Variants in C10orf143 observed in about 807,000 individuals in gnomAD.
C10orf143 encodes chromosome 10 open reading frame 143.
intron 3 of C10orf143, among the ~76,000 whole-genome samples, chr10:130,058,030 C>A (rs1255655628): frequency 2.0e-5 from 3 of 152,180 alleles, no homozygotes; most frequent in Admixed American, 2.0e-4. Context: ...CACTCTAGAG[C>A]CAGGGAATTG....
intron 1 of C10orf143, chr10:130,104,121 T>A (rs1861602203): frequency 6.6e-6 from 1 of 152,210 alleles, no homozygotes; most frequent in Non-Finnish European, 1.5e-5. Flanking sequence ...AGAGTAAGCC[T>A]CATCATGAGT....
intron 3 of C10orf143, among the ~76,000 whole-genome samples, chr10:130,071,763 G>A (rs1456669107): frequency 6.6e-6 from 1 of 152,126 alleles, no homozygotes; most frequent in Admixed American, 6.6e-5. Context: ...GAGTAGCTGG[G>A]ACTACAGGCA....
chr10:130,057,081 G>A (rs77344169), intron 3 of C10orf143, among the ~76,000 whole-genome samples: 147 of 139,390 alleles, frequency 1.1e-3, no homozygotes, highest in African/African-American at 3.3e-3. Context: ...TTGTAAAGAT[G>A]AGGTTTCACC....
intron 1 of C10orf143, among the ~76,000 whole-genome samples, chr10:130,091,363 G>T (rs1861380022): frequency 6.6e-6 from 1 of 152,118 alleles, no homozygotes; most frequent in African/African-American, 2.4e-5. Context: ...CAAACAGAAA[G>T]CATCAACATC....
At position 130,058,691 on chromosome 10, in the gene C10orf143, G is replaced by A. The variant is rs547521823; in HGVS notation, c.297+20875C>T. ...AAGTGCAGGACCTATCTATACTAAC[G>A]AAACAGGAAAGTGTTTATCAGAGCA... is the stretch of plus-strand genomic sequence containing the variant. On this transcript the variant is annotated intron_variant and NMD_transcript_variant, in intron 3 of 5. Coordinates refer to the C10orf143 transcript ENST00000643056. Among the ~76,000 whole-genome samples, 4 of 151,106 alleles carry A rather than the reference G, an allele frequency of 2.6e-5. No individual in the cohort carries two copies. In the South Asian group the frequency reaches 6.3e-4, roughly 24 times the overall value.
intron 3 of C10orf143, among the ~76,000 whole-genome samples, chr10:130,037,382 G>A (rs1860556238): frequency 6.6e-6 from 1 of 152,234 alleles, no homozygotes; most frequent in Non-Finnish European, 1.5e-5. Context: ...AGTACTGGAT[G>A]AGCAAGCGAA....
chr10:130,094,015 T>A (rs865837965), intron 1 of C10orf143, among the ~76,000 whole-genome samples: 8 of 137,696 alleles, frequency 5.8e-5, no homozygotes, highest in African/African-American at 1.1e-4. Context: ...ATCTCACCAT[T>A]AAAAAAAAAA....
At chr10:130,089,804 AAG>A (rs1861351650) in intron 1 of C10orf143, among the ~76,000 whole-genome samples, 1 of 152,196 alleles carries the variant, frequency 6.6e-6, no homozygotes, top group African/African-American at 2.4e-5. Context: ...TCAATGGAGA[AAG>A]AACAGTCTTT....
intron 3 of C10orf143, among the ~76,000 whole-genome samples, chr10:130,078,435 T>C (rs1010501282): frequency 2.0e-5 from 3 of 152,222 alleles, no homozygotes; most frequent in Non-Finnish European, 2.9e-5. Flanking sequence ...TTCTAGGGTA[T>C]GTTTAACAGT....
intron 3 of C10orf143, chr10:130,066,275 C>T (rs1860932994): frequency 6.6e-6 from 1 of 150,618 alleles, no homozygotes; most frequent in Non-Finnish European, 1.5e-5. Context: ...GCAGCCTCAG[C>T]CTCCTAGGCT....
chr10:130,050,165 C>T (rs950397913), intron 3 of C10orf143, among the ~76,000 whole-genome samples: 14 of 152,242 alleles, frequency 9.2e-5, no homozygotes, highest in African/African-American at 3.4e-4. Context: ...AGGCTGCAGG[C>T]GCATGACTGA....
intron 1 of C10orf143, among the ~76,000 whole-genome samples, chr10:130,084,301 A>G (rs1171746): frequency 0.64 from 97,146 of 151,870 alleles, 31,321 homozygotes; most frequent in Admixed American, 0.73. Context: ...GCAACAGAGC[A>G]AGACTCCATC....
chr10:130,108,656 T>C, intron 1 of C10orf143, among the ~76,000 whole-genome samples: 1 of 151,210 alleles, frequency 6.6e-6, no homozygotes, highest in Admixed American at 6.5e-5. Flanking sequence ...AGTATAACTA[T>C]TTTAATTTGA....
chr10:130,044,167 G>C (rs1207436692), intron 3 of C10orf143, among the ~76,000 whole-genome samples: 1 of 152,232 alleles, frequency 6.6e-6, no homozygotes, highest in African/African-American at 2.4e-5. Context: ...TGGGGATGCT[G>C]TCTGGGGACT....
chr10:130,039,781 C>T (rs920481261), intron 3 of C10orf143, among the ~76,000 whole-genome samples: 25 of 152,106 alleles, frequency 1.6e-4, no homozygotes, highest in South Asian at 4.1e-4. Context: ...ACGTCTCATG[C>T]GCTCTTCTCC....
intron 3 of C10orf143, among the ~76,000 whole-genome samples, chr10:130,075,523 C>G (rs1287176744): frequency 6.6e-6 from 1 of 152,174 alleles, no homozygotes; most frequent in Non-Finnish European, 1.5e-5. Flanking sequence ...AGAAACCAAT[C>G]TAGGTATATT....
At chr10:130,050,174 G>A (rs1227533583) in intron 3 of C10orf143, among the ~76,000 whole-genome samples, 1 of 152,258 alleles carries the variant, frequency 6.6e-6, no homozygotes, top group Non-Finnish European at 1.5e-5. Context: ...GCGCATGACT[G>A]AGAAGCAGGA....
At chr10:130,089,212 T>C (rs1861342215) in intron 1 of C10orf143, among the ~76,000 whole-genome samples, 1 of 152,208 alleles carries the variant, frequency 6.6e-6, no homozygotes, top group Admixed American at 6.5e-5. Context: ...CACATTGGAC[T>C]TGTTGAGGAT....
intron 3 of C10orf143, among the ~76,000 whole-genome samples, chr10:130,041,508 C>G (rs535074086): frequency 6.6e-6 from 1 of 152,124 alleles, no homozygotes; most frequent in East Asian, 1.9e-4. Flanking sequence ...CTCACCAGCA[C>G]GATTATGATT....
Sources: gnomAD v4.1 joint callset for allele counts (sites outside exome capture counted in the v4.1 genomes callset) on GRCh38, gnomAD v4.1.1 for gene constraint, MANE v1.5 for transcripts, NCBI Gene and HGNC (gene_info 2026-07-23, HGNC 2026-07-21) for gene names.